ZNF385D: variants seen among roughly 807,000 people sequenced by gnomAD.
ZNF385D encodes the protein zinc finger protein 385D, also known as zinc finger protein 659.
In ZNF385D, 15 loss-of-function variants were observed where a neutral mutation model predicts 35.8. The observed-to-expected ratio is 0.42, with a 90% confidence interval of 0.28 to 0.64. ZNF385D has a LOEUF of 0.64. Ranked by LOEUF, ZNF385D falls within the 30% of genes least tolerant of loss-of-function variation. The pLI is 0.23. For missense variants in ZNF385D, 474 were observed against 494.6 expected (o/e 0.96, Z 0.39); for synonymous variants, 212 against 186.8 (o/e 1.13, Z -1.10).
At chr3:22,154,883 A>G (rs1705489312) in intron 3 of ZNF385D, among the ~76,000 whole-genome samples, 1 of 152,188 alleles carries the variant, frequency 6.6e-6, no homozygotes, top group African/African-American at 2.4e-5. Context: ...GGAAACATTC[A>G]TCTTCCATGA....
At chr3:22,271,179 T>G (rs1701158228) in intron 2 of ZNF385D, among the ~76,000 whole-genome samples, 1 of 151,760 alleles carries the variant, frequency 6.6e-6, no homozygotes, top group Non-Finnish European at 1.5e-5. Flanking sequence ...AATTATATCA[T>G]AATACATTGA....
In ZNF385D at chr3:21,414,005, C is replaced by G. The variant is rs1700528297; in HGVS notation, c.*7209G>C. On this transcript the variant is annotated 3_prime_UTR_variant, in exon 8 of 8. Transcript: ENST00000281523. Reference sequence around the variant, plus strand: ...TTTTTGTGAGAGCTGAATATTTCATCATACATTGGATAACACTAAATTTTC... The same window carrying G: ...TTTTTGTGAGAGCTGAATATTTCATGATACATTGGATAACACTAAATTTTC... 1.3e-5 allele frequency: 2 copies of G among 152,038 alleles called. No individual in the cohort carries two copies. Among genetic ancestry groups the G allele is most frequent in the South Asian group, 4.1e-4 (2 of 4,836 alleles). The allele number at this position is 152,038 out of a possible 1,614,324, so 9.4% of individuals were successfully genotyped here.
At chr3:21,793,953 T>C (rs1234948890) in intron 3 of ZNF385D, among the ~76,000 whole-genome samples, 1 of 152,160 alleles carries the variant, frequency 6.6e-6, no homozygotes, top group Non-Finnish European at 1.5e-5. Flanking sequence ...CTCATTAAGA[T>C]GGAGTAAAAT....
intron 3 of ZNF385D, among the ~76,000 whole-genome samples, chr3:21,776,392 C>T (rs1309351796): frequency 1.3e-5 from 2 of 151,912 alleles, no homozygotes; most frequent in East Asian, 1.9e-4. Context: ...ACATGAGCGC[C>T]GTGTGTGACG....
intron 3 of ZNF385D, among the ~76,000 whole-genome samples, chr3:21,832,737 G>A (rs1695078824): frequency 6.6e-6 from 1 of 152,180 alleles, no homozygotes; most frequent in African/African-American, 2.4e-5. Context: ...TGTTTCACAA[G>A]TGTGATCATC....
chr3:21,630,167 A>G (rs573353283), intron 2 of ZNF385D, among the ~76,000 whole-genome samples: 1 of 152,046 alleles, frequency 6.6e-6, no homozygotes, highest in Admixed American at 6.6e-5. Context: ...CAGCATTCAA[A>G]ATCAGGATTG....
At chr3:21,722,223 G>C (rs2068572819) in intron 1 of ZNF385D, among the ~76,000 whole-genome samples, 2 of 152,092 alleles carry the variant, frequency 1.3e-5, no homozygotes, top group Non-Finnish European at 2.9e-5. Context: ...GTTTCTAACA[G>C]ACCTGCTTTA....
intron 2 of ZNF385D, among the ~76,000 whole-genome samples, chr3:21,650,316 T>C (rs1043186174): frequency 1.3e-5 from 2 of 152,182 alleles, no homozygotes; most frequent in African/African-American, 4.8e-5. Flanking sequence ...ATATTTCTCT[T>C]TGCTCCTGTA....
At chr3:21,585,511 T>C (rs1472174367) in intron 2 of ZNF385D, among the ~76,000 whole-genome samples, 2 of 152,186 alleles carry the variant, frequency 1.3e-5, no homozygotes, top group Non-Finnish European at 2.9e-5. Flanking sequence ...TGGCTCAAAA[T>C]AAGCAAACAT....
intron 3 of ZNF385D, among the ~76,000 whole-genome samples, chr3:22,160,206 T>C (rs1183382600): frequency 6.6e-6 from 1 of 152,106 alleles, no homozygotes; most frequent in African/African-American, 2.4e-5. Flanking sequence ...GCCAGTTCTG[T>C]ATAGCAGTAT....
At chr3:22,006,714 CTTTT>C (rs910914835) in intron 3 of ZNF385D, among the ~76,000 whole-genome samples, 1 of 151,360 alleles carries the variant, frequency 6.6e-6, no homozygotes, top group Non-Finnish European at 1.5e-5. Context: ...TGCTGAGAAG[CTTTT>C]TTTTGTGAAA....
intron 1 of ZNF385D, among the ~76,000 whole-genome samples, chr3:21,670,566 A>G (rs558338264): frequency 6.6e-6 from 1 of 150,638 alleles, no homozygotes; most frequent in East Asian, 2.0e-4. Context: ...GTAGGCATAA[A>G]AACTTTAGAT....
chr3:21,546,905 C>G (rs549006964), intron 3 of ZNF385D, among the ~76,000 whole-genome samples: 2 of 151,940 alleles, frequency 1.3e-5, no homozygotes, highest in South Asian at 2.1e-4. Flanking sequence ...CGCTGGAGCT[C>G]GTGGATGCAA....
intron 3 of ZNF385D, among the ~76,000 whole-genome samples, chr3:22,157,371 C>T (rs558636059): frequency 1.3e-5 from 2 of 152,158 alleles, no homozygotes; most frequent in South Asian, 4.1e-4. Context: ...CCTTTATTAT[C>T]TGCTTAGCAG....
intron 3 of ZNF385D, among the ~76,000 whole-genome samples, chr3:22,109,379 T>C (rs1702390495): frequency 6.6e-6 from 1 of 152,202 alleles, no homozygotes; most frequent in African/African-American, 2.4e-5. Flanking sequence ...TGTAAGTCCC[T>C]AATGTATCAC....
chr3:22,005,604 G>T (rs1257084732), intron 3 of ZNF385D, among the ~76,000 whole-genome samples: 1 of 151,990 alleles, frequency 6.6e-6, no homozygotes, highest in Non-Finnish European at 1.5e-5. Flanking sequence ...TATCCCATAA[G>T]TATGTATAAT....
chr3:22,254,573 T>C (rs1049284931), intron 2 of ZNF385D, among the ~76,000 whole-genome samples: 4 of 151,834 alleles, frequency 2.6e-5, no homozygotes, highest in South Asian at 2.1e-4. Flanking sequence ...TACCCCCTTA[T>C]CTATATTCCA....
intron 3 of ZNF385D, among the ~76,000 whole-genome samples, chr3:21,782,297 T>G (rs1559617187): frequency 6.6e-6 from 1 of 152,086 alleles, no homozygotes; most frequent in Non-Finnish European, 1.5e-5. Flanking sequence ...TCATGAGGTA[T>G]CAACATAAAA....
Position 21,443,641 on chromosome 3 carries a change from A to G in ZNF385D, c.440-6438T>C, listed in dbSNP as rs530090678. On this transcript the variant is annotated intron_variant, in intron 4 of 7. Transcript: ENST00000281523. The stretch of plus-strand genomic sequence containing the variant: ...TCAAACTGATTTCACTGTGTCTCTA[A>G]TGGTCTGTGACTTGGTAGTTCCATG... 2.0e-4 allele frequency among the ~76,000 whole-genome samples: 31 copies of G among 152,298 alleles called. No individual in the cohort carries two copies. The South Asian group carries it at 5.4e-3, about 26-fold the overall frequency.
Sources: allele counts gnomAD v4.1 joint callset (sites outside exome capture counted in the v4.1 genomes callset), GRCh38; gene constraint gnomAD v4.1.1; transcripts MANE v1.5; gene names NCBI Gene and HGNC (gene_info 2026-07-23, HGNC 2026-07-21).